The following SMIM13 variants were observed in gnomAD, a reference collection of about 807,000 sequenced individuals.
SMIM13 encodes UPF0766 protein C6orf228.
A neutral mutation model predicts 5.9 loss-of-function variants in SMIM13; 3 were observed. That is an observed-to-expected ratio of 0.51 (90% CI 0.23 to 1.31). The LOEUF (loss-of-function observed/expected upper bound fraction) is 1.31. SMIM13 is among the 40% of genes most tolerant of loss of function. SMIM13 has a pLI of 0.18. For synonymous variants in SMIM13, 55 were observed against 46.0 expected, an observed-to-expected ratio of 1.19 and a Z score of -0.79; for missense variants, 85 against 109.9, an observed-to-expected ratio of 0.77 and a Z score of 1.01.
At chr6:11,122,346 A>G (rs1171811342) in intron 1 of SMIM13, among the ~76,000 whole-genome samples, 1 of 152,234 alleles carries the variant, frequency 6.6e-6, no homozygotes, top group Admixed American at 6.5e-5. Context: ...AATAATTCTG[A>G]ACTTGCCTTA....
At chr6:11,106,155 G>T (rs2113645517) in intron 1 of SMIM13, among the ~76,000 whole-genome samples, 1 of 152,300 alleles carries the variant, frequency 6.6e-6, no homozygotes, top group Middle Eastern at 3.4e-3. Flanking sequence ...GCAATGACCT[G>T]GGTTGGCTGA....
At chr6:11,119,221 A>T (rs2113659287) in intron 1 of SMIM13, among the ~76,000 whole-genome samples, 1 of 152,014 alleles carries the variant, frequency 6.6e-6, no homozygotes, top group South Asian at 2.1e-4. Flanking sequence ...GGATGGAGAC[A>T]GACAGCAGAC....
intron 1 of SMIM13, chr6:11,104,340 G>A (rs1198182498): frequency 9.0e-6 from 14 of 1,551,598 alleles, no homozygotes; most frequent in African/African-American, 1.4e-5. Context: ...GAAGATGTCT[G>A]GGGTTACATA....
At chr6:11,101,525 A>G (rs1176157179) in intron 1 of SMIM13, among the ~76,000 whole-genome samples, 1 of 152,108 alleles carries the variant, frequency 6.6e-6, no homozygotes, top group Non-Finnish European at 1.5e-5. Flanking sequence ...AGGAAACACC[A>G]AATCCATCTT....
chr6:11,129,229 A>C (rs184087463), intron 1 of SMIM13, among the ~76,000 whole-genome samples: 8 of 152,130 alleles, frequency 5.3e-5, no homozygotes, highest in Non-Finnish European at 5.9e-5. Context: ...ATTCTACTCT[A>C]TCTCTGTTAG....
At chr6:11,105,037 G>A (rs778432865) in intron 1 of SMIM13, 1 of 1,614,082 alleles carries the variant, frequency 6.2e-7, no homozygotes, top group African/African-American at 1.3e-5. Flanking sequence ...GTTGAAAGAA[G>A]ACTATTTGCA....
chr6:11,132,564 A>G (rs775073156), intron 1 of SMIM13, among the ~76,000 whole-genome samples: 2 of 152,238 alleles, frequency 1.3e-5, no homozygotes, highest in African/African-American at 2.4e-5. Flanking sequence ...AATGTAATAT[A>G]TACATAAAAT....
chr6:11,120,637 A>G (rs776386168), intron 1 of SMIM13, among the ~76,000 whole-genome samples: 42 of 152,182 alleles, frequency 2.8e-4, no homozygotes, highest in Non-Finnish European at 1.5e-4. Flanking sequence ...TCGTATTCTC[A>G]TTCTCTAGAT....
rs1415836390 is a variant in SMIM13, at chr6:11,137,795, C to A, written c.*3193C>A. 1 of 152,104 alleles carries A rather than the reference C, an allele frequency of 6.6e-6. No homozygotes were observed. The highest frequency in any genetic ancestry group is 2.4e-5 in the African/African-American group (1 of 41,422). 9.4% of individuals were successfully genotyped at this position (152,104 alleles called of 1,614,324 possible). ...TAAATGAGGTTTTTGATATTTCCAT[C>A]AAAATGAATATAAAATTCACTTGAT... On this transcript the variant is annotated 3_prime_UTR_variant, in exon 2 of 2. Coordinates refer to ENST00000416247, the MANE Select transcript of SMIM13 (RefSeq NM_001135575.2).
chr6:11,104,269 C>A, intron 1 of SMIM13: 4 of 1,551,676 alleles, frequency 2.6e-6, no homozygotes, highest in Admixed American at 2.0e-5. Context: ...GCCCTCCTCA[C>A]CCTGGGCAAC....
chr6:11,118,657 G>A (rs1193885657), intron 1 of SMIM13, among the ~76,000 whole-genome samples: 1 of 152,110 alleles, frequency 6.6e-6, no homozygotes, highest in Admixed American at 6.5e-5. Flanking sequence ...ATTGTAGAAC[G>A]ATCTAAAAGT....
chr6:11,131,366 A>G (rs750814621), intron 1 of SMIM13, among the ~76,000 whole-genome samples: 28 of 151,936 alleles, frequency 1.8e-4, no homozygotes, highest in Non-Finnish European at 3.2e-4. Flanking sequence ...ATTGATCTGC[A>G]GATTAAATGC....
intron 1 of SMIM13, among the ~76,000 whole-genome samples, chr6:11,124,538 G>A (rs141882167): frequency 9.2e-5 from 14 of 152,120 alleles, no homozygotes; most frequent in African/African-American, 2.2e-4. Flanking sequence ...TGGGATTGCT[G>A]GATCATATGG....
chr6:11,098,189 A>G (rs1757949190), intron 1 of SMIM13, among the ~76,000 whole-genome samples: 1 of 152,164 alleles, frequency 6.6e-6, no homozygotes, highest in South Asian at 2.1e-4. Context: ...TGATGTCCAA[A>G]GTTCAGATTC....
intron 1 of SMIM13, chr6:11,103,578 G>C: frequency 2.8e-6 from 4 of 1,418,244 alleles, no homozygotes; most frequent in South Asian, 1.6e-5. Flanking sequence ...CTTGCTAGCT[G>C]TCAGGGCAGG....
intron 1 of SMIM13, among the ~76,000 whole-genome samples, chr6:11,113,837 A>G (rs1008620497): frequency 2.6e-5 from 4 of 152,064 alleles, no homozygotes; most frequent in Non-Finnish European, 5.9e-5. Flanking sequence ...TCGGCCTCCC[A>G]AAGTGCTGGG....
chr6:11,137,066 A>G lies in SMIM13; in HGVS notation c.*2464A>G, dbSNP rs1012254337. Reference sequence around the variant, plus strand: ...ATCTACAAGGGTCATGCCCAAATTAATACAGGTTAACCTTTGTAGAGGTAT... The same window carrying G: ...ATCTACAAGGGTCATGCCCAAATTAGTACAGGTTAACCTTTGTAGAGGTAT... On this transcript the variant is annotated 3_prime_UTR_variant, in exon 2 of 2. Transcript: ENST00000416247. The G allele has an allele frequency of 5.3e-5, 8 of 152,226 alleles. No individual in the cohort carries two copies. The highest frequency in any genetic ancestry group is 3.4e-3 in the Middle Eastern group (1 of 294). 9.4% of individuals were successfully genotyped at this position (152,226 alleles called of 1,614,324 possible).
At chr6:11,104,804 T>C in intron 1 of SMIM13, 2 of 1,614,222 alleles carry the variant, frequency 1.2e-6, no homozygotes, top group Non-Finnish European at 1.7e-6. Context: ...GGAATCTTGG[T>C]TGATGGCGGA....
intron 1 of SMIM13, among the ~76,000 whole-genome samples, chr6:11,106,199 C>G (rs1415196464): frequency 2.0e-5 from 3 of 152,202 alleles, no homozygotes; most frequent in Non-Finnish European, 2.9e-5. Flanking sequence ...AGGAATTTAG[C>G]TACCTCCTGT....
Sources: gnomAD v4.1 joint callset for allele counts (sites outside exome capture counted in the v4.1 genomes callset) on GRCh38, gnomAD v4.1.1 for gene constraint, MANE v1.5 for transcripts, NCBI Gene and HGNC (gene_info 2026-07-23, HGNC 2026-07-21) for gene names.